Variants in RBFOX1 observed in about 807,000 individuals in gnomAD.
RBFOX1 encodes the protein RNA binding fox-1 homolog 1, also known as RNA binding protein fox-1 homolog 1.
In RBFOX1, 8 loss-of-function variants were observed where a neutral mutation model predicts 57.7. The observed-to-expected ratio is 0.14, with a 90% CI of 0.08 to 0.25. The LOEUF (loss-of-function observed/expected upper bound fraction) is 0.25, where lower values mean the gene tolerates loss of function less well. Among genes scored for constraint, RBFOX1 ranks in the 10% least tolerant of loss-of-function variants. RBFOX1 has a pLI of 1.00. For synonymous variants in RBFOX1, 326 were observed against 222.4 expected, an observed-to-expected ratio of 1.47 and a Z score of -4.15; for missense variants, 611 against 548.5, an observed-to-expected ratio of 1.11 and a Z score of -1.14.
At chr16:7,498,735 G>A (rs2069576514) in intron 4 of RBFOX1, among the ~76,000 whole-genome samples, 1 of 152,066 alleles carries the variant, frequency 6.6e-6, no homozygotes. Context: ...GACCACACAT[G>A]GCTAGTGGCT....
chr16:6,768,485 C>G (rs1345753911), intron 3 of RBFOX1, among the ~76,000 whole-genome samples: 1 of 151,862 alleles, frequency 6.6e-6, no homozygotes, highest in Non-Finnish European at 1.5e-5. Context: ...TCTAAATGTA[C>G]TTCCCTTCCC....
chr16:6,774,062 A>G, intron 3 of RBFOX1: 1 of 922,556 alleles, frequency 1.1e-6, no homozygotes, highest in South Asian at 5.0e-5. Context: ...TGGCTTTCTG[A>G]TTTCCCATTA....
chr16:7,218,210 T>C (rs1249001827), intron 4 of RBFOX1, among the ~76,000 whole-genome samples: 2 of 152,196 alleles, frequency 1.3e-5, no homozygotes, highest in Non-Finnish European at 2.9e-5. Flanking sequence ...TTAAACCTTA[T>C]GTCTTATTTT....
At chr16:7,004,745 G>T (rs1040108006) in intron 3 of RBFOX1, among the ~76,000 whole-genome samples, 2 of 152,198 alleles carry the variant, frequency 1.3e-5, no homozygotes, top group African/African-American at 4.8e-5. Flanking sequence ...AGGAGAAGTA[G>T]CTGTGAGACA....
chr16:5,839,731 A>G (rs2056568145), intron 3 of RBFOX1, among the ~76,000 whole-genome samples: 1 of 151,918 alleles, frequency 6.6e-6, no homozygotes, highest in African/African-American at 2.4e-5. Flanking sequence ...GATGGCTGCC[A>G]TTGCTCCAGG....
At chr16:7,614,592 A>G (rs544781251) in intron 10 of RBFOX1, 14 of 152,306 alleles carry the variant, frequency 9.2e-5, no homozygotes, top group African/African-American at 3.4e-4. Context: ...CCCCAAAAGC[A>G]GGGGGTGTCA....
At chr16:6,013,043 T>C (rs1195201211) in intron 4 of RBFOX1, among the ~76,000 whole-genome samples, 1 of 152,148 alleles carries the variant, frequency 6.6e-6, no homozygotes, top group Non-Finnish European at 1.5e-5. Flanking sequence ...ATTAATATGT[T>C]AATTATATCA....
At chr16:7,296,460 G>A (rs1035902380) in intron 4 of RBFOX1, among the ~76,000 whole-genome samples, 5 of 152,094 alleles carry the variant, frequency 3.3e-5, no homozygotes, top group Non-Finnish European at 7.4e-5. Context: ...TTGAGGGCTA[G>A]GGGATAAGAA....
rs1555558571 is a variant in RBFOX1 at position 7,532,146 on chromosome 16, T to TTC, written c.270+13757_270+13758insTC. Among the ~76,000 whole-genome samples the TTC allele has an allele frequency of 1.1e-3, 159 of 147,668 alleles. 2 individuals are homozygous for TTC. The highest frequency in any genetic ancestry group is 1.4e-3 in the Admixed American group (21 of 14,890). The stretch of plus-strand genomic sequence containing the variant: ...AAACTAGCTACCTTTTTTTTTTTTT[T>TTC]CACTAAGAAAAGCAACGGTAGGTGT... On this transcript the variant is annotated intron_variant, in intron 5 of 15. Transcript: ENST00000550418.
At chr16:6,724,791 T>C (rs1401306306) in intron 3 of RBFOX1, among the ~76,000 whole-genome samples, 1 of 152,114 alleles carries the variant, frequency 6.6e-6, no homozygotes, top group Non-Finnish European at 1.5e-5. Context: ...GTTTGTTACA[T>C]AAGTAAATGT....
At chr16:6,799,939 C>T (rs1017612247) in intron 3 of RBFOX1, among the ~76,000 whole-genome samples, 5 of 152,116 alleles carry the variant, frequency 3.3e-5, no homozygotes, top group South Asian at 2.1e-4. Flanking sequence ...GAGACTTCGT[C>T]TTGTGATGAT....
chr16:7,288,091 G>C (rs1360535203), intron 4 of RBFOX1, among the ~76,000 whole-genome samples: 1 of 152,108 alleles, frequency 6.6e-6, no homozygotes, highest in African/African-American at 2.4e-5. Context: ...ATCAAGGTCT[G>C]AGATTTTTCT....
chr16:7,137,658 C>T (rs796530716), intron 4 of RBFOX1, among the ~76,000 whole-genome samples: 1 of 152,130 alleles, frequency 6.6e-6, no homozygotes, highest in Non-Finnish European at 1.5e-5. Flanking sequence ...AGAAGGGAAC[C>T]TCAGATTAGG....
chr16:5,328,234 A>T (rs942187954), intron 1 of RBFOX1, among the ~76,000 whole-genome samples: 1 of 152,290 alleles, frequency 6.6e-6, no homozygotes, highest in African/African-American at 2.4e-5. Flanking sequence ...AAGTTAAATA[A>T]GGCTTTTAAA....
intron 3 of RBFOX1, among the ~76,000 whole-genome samples, chr16:6,776,512 A>T (rs1464486584): frequency 1.3e-5 from 2 of 152,206 alleles, no homozygotes; most frequent in African/African-American, 4.8e-5. Flanking sequence ...AAACACATAG[A>T]AGAGGAACCT....
chr16:5,450,132 G>C (rs765190882), intron 1 of RBFOX1, among the ~76,000 whole-genome samples: 1 of 152,190 alleles, frequency 6.6e-6, no homozygotes, highest in African/African-American at 2.4e-5. Context: ...TTGGGCAGGA[G>C]AGGTGGCATG....
intron 3 of RBFOX1, among the ~76,000 whole-genome samples, chr16:5,756,442 C>A (rs774748214): frequency 3.3e-5 from 5 of 152,052 alleles, no homozygotes; most frequent in Non-Finnish European, 5.9e-5. Flanking sequence ...TCAGGGATCA[C>A]CTTTGCGGTG....
At chr16:6,136,809 C>G (rs1320455391) in intron 1 of RBFOX1, among the ~76,000 whole-genome samples, 2 of 152,092 alleles carry the variant, frequency 1.3e-5, no homozygotes, top group African/African-American at 2.4e-5. Flanking sequence ...TCCTTTTAAT[C>G]AAGTAAGTTT....
At chr16:7,669,683 T>C (rs951702713) in intron 13 of RBFOX1, among the ~76,000 whole-genome samples, 3 of 152,204 alleles carry the variant, frequency 2.0e-5, no homozygotes, top group African/African-American at 7.2e-5. Flanking sequence ...CTGCCACCCA[T>C]ATGTTTTAAA....
Sources: gnomAD v4.1 joint callset for allele counts (sites outside exome capture counted in the v4.1 genomes callset) on GRCh38, gnomAD v4.1.1 for gene constraint, MANE v1.5 for transcripts, NCBI Gene and HGNC (gene_info 2026-07-23, HGNC 2026-07-21) for gene names.